Variants in USH2A observed in about 807,000 individuals in gnomAD.
The protein encoded by USH2A is Usher syndrome 2A (autosomal recessive, mild).
Under a neutral mutation model 538.9 loss-of-function variants are expected in USH2A, and 443 were observed. The ratio of observed to expected loss-of-function variants is 0.82; its 90% CI spans 0.76 to 0.89. The LOEUF is 0.89. Ranked by LOEUF, USH2A falls within the 40% of genes least tolerant of loss-of-function variation. The probability of loss-of-function intolerance (pLI) is 0.00; values close to 1 mark genes in which losing one functional copy is unlikely to be tolerated. For missense variants in USH2A, 6,633 were observed against 6,324.8 expected, an observed-to-expected ratio of 1.05 and a Z score of -1.65; for synonymous variants, 2,413 against 2,273.5, an observed-to-expected ratio of 1.06 and a Z score of -1.75.
intron 11 of USH2A, among the ~76,000 whole-genome samples, chr1:216,259,733 T>C (rs2036331552): frequency 6.6e-6 from 1 of 152,114 alleles, no homozygotes; most frequent in Admixed American, 6.6e-5. Flanking sequence ...AATATGCATC[T>C]GAATACATTT....
At position 215,782,829 on chromosome 1, in the gene USH2A, C is replaced by T; in HGVS notation, c.10494G>A (p.Val3498=). The change falls in exon 53 of 72, where the codon GTG becomes GTA. Residue 3498 remains valine, a synonymous_variant. Transcript: ENST00000307340. ...ACGTAGGGGGACTCACTCCTTGAGG[C>T]ACATCTTCTTTTGTTCTGGCTCTCA... ...KAVRARTKED[V]PQGVSPPTWT... 6.2e-7 allele frequency: 1 copy of T among 1,613,972 alleles called. No individual in the cohort carries two copies. The highest frequency in any genetic ancestry group is 8.5e-7 in the Non-Finnish European group (1 of 1,179,922).
chr1:215,757,377 A>G (rs181094745), intron 58 of USH2A, among the ~76,000 whole-genome samples: 20 of 152,326 alleles, frequency 1.3e-4, no homozygotes, highest in African/African-American at 4.3e-4. Flanking sequence ...CTCTCTTTAT[A>G]GCTATACAAT....
At chr1:216,168,471 A>G (rs747697185) in intron 21 of USH2A, among the ~76,000 whole-genome samples, 25 of 152,134 alleles carry the variant, frequency 1.6e-4, no homozygotes, top group Non-Finnish European at 2.9e-4. Context: ...ATAAACTCTA[A>G]TATGTCCTTG....
chr1:216,357,993 T>C (rs989204478), intron 4 of USH2A, among the ~76,000 whole-genome samples: 3 of 152,156 alleles, frequency 2.0e-5, no homozygotes, highest in African/African-American at 7.2e-5. Flanking sequence ...TTTGTATACA[T>C]AAAATTCAGC....
At chr1:216,312,920 C>T (rs1372786647) in intron 9 of USH2A, among the ~76,000 whole-genome samples, 1 of 152,104 alleles carries the variant, frequency 6.6e-6, no homozygotes, top group Non-Finnish European at 1.5e-5. Flanking sequence ...GTAAAGGGAA[C>T]TCTGGCAAAC....
intron 19 of USH2A, among the ~76,000 whole-genome samples, chr1:216,191,413 T>C (rs568233695): frequency 1.3e-5 from 2 of 152,080 alleles, no homozygotes; most frequent in African/African-American, 4.8e-5. Flanking sequence ...ACATGAGTTG[T>C]TCTAAAAAGC....
intron 64 of USH2A, 44 bp from the exon 65 acceptor site, chr1:215,650,845 A>G (rs572805846): frequency 8.4e-6 from 13 of 1,554,166 alleles, no homozygotes; most frequent in South Asian, 1.2e-5. Flanking sequence ...AAGATACCCT[A>G]AGGCTGGGAA....
At chr1:215,940,854 A>C (rs1403396789) in intron 37 of USH2A, among the ~76,000 whole-genome samples, 1 of 152,128 alleles carries the variant, frequency 6.6e-6, no homozygotes, top group Non-Finnish European at 1.5e-5. Context: ...GCAGGGAATA[A>C]ATACATGCAC....
chr1:215,897,466 C>T (rs1236780705), intron 40 of USH2A, among the ~76,000 whole-genome samples: 2 of 152,116 alleles, frequency 1.3e-5, no homozygotes. Context: ...GCGGCTGGAT[C>T]ACCTGAGGTC....
intron 41 of USH2A, among the ~76,000 whole-genome samples, chr1:215,881,431 C>T (rs1002684139): frequency 3.3e-5 from 5 of 152,192 alleles, no homozygotes; most frequent in African/African-American, 7.2e-5. Flanking sequence ...TGAGCCACCA[C>T]GCCCTGCCCA....
At position 215,934,642 on chromosome 1, in the gene USH2A, G is replaced by A. The variant is rs1280458324; in HGVS notation, c.7274C>T (p.Pro2425Leu). The change falls in exon 38 of 72, where the codon CCT (proline) becomes CTT (leucine). Residue 2425 changes from proline to leucine, a missense_variant. Coordinates refer to ENST00000307340, the MANE Select transcript of USH2A (RefSeq NM_206933.4). ...SNSQGSLITD[P>L]ITIAMPPGAP... ...TCCTGGAGGCATTGCAATTGTTATA[G>A]GATCAGTTATCAAGCTGCCTTGGCT... 2 of 1,612,314 alleles carry A rather than the reference G, an allele frequency of 1.2e-6. No individual in the cohort carries two copies. The highest frequency in any genetic ancestry group is 1.1e-5 in the South Asian group (1 of 91,032).
At chr1:215,941,665 G>A (rs1666636807) in intron 37 of USH2A, among the ~76,000 whole-genome samples, 1 of 152,114 alleles carries the variant, frequency 6.6e-6, no homozygotes, top group South Asian at 2.1e-4. Context: ...AACCTGCTGA[G>A]CCTGTGGTGC....
chr1:215,957,495 C>A (rs1393053318), intron 37 of USH2A, among the ~76,000 whole-genome samples: 1 of 152,158 alleles, frequency 6.6e-6, no homozygotes, highest in Non-Finnish European at 1.5e-5. Flanking sequence ...CTGCTTTAGA[C>A]TTTAACTGGG....
At chr1:215,679,746 G>A (rs748328011) in intron 62 of USH2A, among the ~76,000 whole-genome samples, 33 of 152,286 alleles carry the variant, frequency 2.2e-4, no homozygotes, top group Non-Finnish European at 4.4e-4. Context: ...CAAATAACTG[G>A]GTAGGGTAAT....
intron 61 of USH2A, among the ~76,000 whole-genome samples, chr1:215,684,939 A>T (rs79181449): frequency 0.016 from 2,486 of 152,254 alleles, 66 homozygotes; most frequent in African/African-American, 0.055. Context: ...ATTTAAGTAT[A>T]TTAACCTCTG....
chr1:215,973,059 G>A (rs764046141), intron 35 of USH2A, among the ~76,000 whole-genome samples: 3 of 152,140 alleles, frequency 2.0e-5, no homozygotes, highest in Non-Finnish European at 4.4e-5. Context: ...TCTCTGTGAA[G>A]CAGTCAGTTG....
chr1:215,892,378 T>G (rs1030344410), intron 40 of USH2A, among the ~76,000 whole-genome samples: 1 of 152,172 alleles, frequency 6.6e-6, no homozygotes, highest in African/African-American at 2.4e-5. Flanking sequence ...TTTGGTAATA[T>G]TAACTCCATA....
Position 215,971,761 on chromosome 1 carries a change from A to C in USH2A, c.6806-985T>G, listed in dbSNP as rs2102459333. Among the ~76,000 whole-genome samples the C allele has an allele frequency of 2.0e-5, 3 of 152,222 alleles. No homozygotes were observed. In the Middle Eastern group the frequency reaches 0.01, roughly 518 times the overall value. Reference sequence around the variant, plus strand: ...CACAGAGATTTGTATATTGTAGCCAATTTTCCGTCCTCCTTTCCCCATTGA... The same window carrying C: ...CACAGAGATTTGTATATTGTAGCCACTTTTCCGTCCTCCTTTCCCCATTGA... On this transcript the variant is annotated intron_variant, in intron 35 of 71. Transcript: ENST00000307340.
intron 61 of USH2A, among the ~76,000 whole-genome samples, chr1:215,688,315 G>A (rs772280126): frequency 1.2e-4 from 19 of 152,232 alleles, no homozygotes; most frequent in Non-Finnish European, 1.5e-4. Context: ...AGGTCAAAAG[G>A]ATGAGCAGGA....
Sources: allele counts gnomAD v4.1 joint callset (sites outside exome capture counted in the v4.1 genomes callset), GRCh38; gene constraint gnomAD v4.1.1; transcripts MANE v1.5; gene names NCBI Gene and HGNC (gene_info 2026-07-23, HGNC 2026-07-21).